SIRT5: variants seen among roughly 807,000 people sequenced by gnomAD.
The protein encoded by SIRT5 is sirtuin 5.
A neutral mutation model predicts 40.0 loss-of-function variants in SIRT5; 26 were observed. The ratio of observed to expected loss-of-function variants is 0.65; its 90% CI spans 0.48 to 0.90. SIRT5 has a LOEUF of 0.90. Among genes scored for constraint, SIRT5 ranks in the 40% least tolerant of loss-of-function variants. The probability of loss-of-function intolerance (pLI) is 0.00; values close to 1 mark genes in which losing one functional copy is unlikely to be tolerated. For missense variants in SIRT5, 401 were observed against 402.4 expected (o/e 1.00, Z 0.03); for synonymous variants, 146 against 149.1 (o/e 0.98, Z 0.15).
chr6:13,594,354 C>T (rs1761311124), intron 5 of SIRT5, among the ~76,000 whole-genome samples: 1 of 152,188 alleles, frequency 6.6e-6, no homozygotes, highest in South Asian at 2.1e-4. Context: ...GGTTTATTGG[C>T]TCACAAAACT....
intron 1 of SIRT5, among the ~76,000 whole-genome samples, chr6:13,579,013 G>C (rs867127909): frequency 6.6e-6 from 1 of 152,056 alleles, no homozygotes; most frequent in Non-Finnish European, 1.5e-5. Context: ...CTTCACCCAG[G>C]GTAACTTTCA....
chr6:13,592,373 G>A (rs1761033813), intron 5 of SIRT5, among the ~76,000 whole-genome samples: 1 of 152,218 alleles, frequency 6.6e-6, no homozygotes, highest in Non-Finnish European at 1.5e-5. Context: ...AGGAATAAGA[G>A]GCCTGGCCCA....
intron 9 of SIRT5, 106 bp from the exon 10 acceptor site, chr6:13,611,684 G>GGGTTTT: frequency 1.3e-6 from 1 of 790,126 alleles, no homozygotes; most frequent in Non-Finnish European, 2.3e-6. Flanking sequence ...ATGAGAATTT[G>GGGTTTT]GGTTTTACTT....
chr6:13,597,086 A>G lies in SIRT5; in HGVS notation c.617+70A>G, dbSNP rs1039886109. The stretch of plus-strand genomic sequence containing the variant: ...AACAAAAAAAAAAACAGACATCAAA[A>G]CCTAAACATGTATTTGGCAAGACGC... On this transcript the variant is annotated intron_variant, in intron 7 of 9. Coordinates refer to ENST00000606117, the MANE Select transcript of SIRT5 (RefSeq NM_012241.5). 3.2e-6 allele frequency: 4 copies of G among 1,240,038 alleles called. No homozygotes were observed. The African/African-American group carries it at 4.6e-5, about 14-fold the overall frequency. The allele number at this position is 1,240,038 out of a possible 1,614,324, so 76.8% of individuals were successfully genotyped here.
chr6:13,592,023 C>A, intron 5 of SIRT5, 129 bp downstream of exon 5: 1 of 923,572 alleles, frequency 1.1e-6, no homozygotes, highest in Non-Finnish European at 1.6e-6. Flanking sequence ...GATGCTGTGG[C>A]ATTTCCTTTG....
intron 4 of SIRT5, among the ~76,000 whole-genome samples, chr6:13,589,732 T>G (rs946309946): frequency 3.3e-5 from 5 of 152,028 alleles, no homozygotes; most frequent in African/African-American, 1.2e-4. Context: ...CAGAGAACAT[T>G]AGGGGCCAGC....
In SIRT5 at chr6:13,591,722, C is replaced by G. The variant is rs201979175; in HGVS notation, c.303C>G (p.Phe101Leu). Residue 101 changes from phenylalanine (F) to leucine (L), a missense_variant, in exon 5 of 10, where the codon TTC becomes TTG. By Grantham distance (22) the Phe-to-Leu change is conservative (BLOSUM62 0). Transcript: ENST00000606117. Reference protein sequence around the residue: ...FAHNPSRVWEFYHYRREVMGS... With the variant: ...FAHNPSRVWELYHYRREVMGS... ...ACAACCCGTCCCGGGTGTGGGAGTT[C>G]TACCACTACCGGCGGGAGGTCATGG... 2.5e-5 allele frequency: 40 copies of G among 1,610,150 alleles called. No homozygotes were observed. Among genetic ancestry groups the G allele is most frequent in the Admixed American group, 5.0e-5 (3 of 59,844 alleles).
rs1764092620 is a variant in SIRT5 at position 13,613,254 on chromosome 6, G to A, written c.*1389G>A. 1 of 152,160 alleles carries A rather than the reference G, an allele frequency of 6.6e-6. No homozygotes were observed. The highest frequency in any genetic ancestry group is 1.5e-5 in the Non-Finnish European group (1 of 68,044). The allele number at this position is 152,160 out of a possible 1,614,324, so 9.4% of individuals were successfully genotyped here. A position where few individuals can be genotyped will look rare whatever the true frequency, so the allele number is the denominator to read the frequency against. Reference sequence around the variant, plus strand: ...ATCTGCCATACAGGGTCATTCTCAGGGGATGCTTAAGTTATTTCTGTCAGG... The same window carrying A: ...ATCTGCCATACAGGGTCATTCTCAGAGGATGCTTAAGTTATTTCTGTCAGG... On this transcript the variant is annotated 3_prime_UTR_variant, in exon 10 of 10. Coordinates refer to ENST00000606117, the MANE Select transcript of SIRT5 (RefSeq NM_012241.5).
At chr6:13,586,325 A>G (rs912456911) in intron 3 of SIRT5, among the ~76,000 whole-genome samples, 4 of 152,210 alleles carry the variant, frequency 2.6e-5, no homozygotes, top group Non-Finnish European at 4.4e-5. Context: ...GCCCATGCCT[A>G]TGTCCTGAAT....
intron 7 of SIRT5, among the ~76,000 whole-genome samples, chr6:13,597,270 C>T (rs11757746): frequency 2.0e-5 from 3 of 151,930 alleles, no homozygotes; most frequent in African/African-American, 7.2e-5. Flanking sequence ...GGGAAAGTTT[C>T]TGAAGCTGTC....
chr6:13,601,058 G>T lies in SIRT5; in HGVS notation c.857+109G>T, dbSNP rs182017518. ...AATTTTTAAAAAAGACATAGGGTTTGTGTTTTTTTGTTTGATCTGCAGTTG... is the reference window on the plus strand; with the variant it reads ...AATTTTTAAAAAAGACATAGGGTTTTTGTTTTTTTGTTTGATCTGCAGTTG... On this transcript the variant is annotated intron_variant, in intron 9 of 9. Coordinates refer to ENST00000606117, the MANE Select transcript of SIRT5 (RefSeq NM_012241.5). 5.5e-4 allele frequency: 434 copies of T among 789,064 alleles called. 1 individual carries two copies. The African/African-American group carries it at 6.8e-3, about 12-fold the overall frequency. The allele number at this position is 789,064 out of a possible 1,614,324, so 48.9% of individuals were successfully genotyped here.
At chr6:13,596,811 T>G (rs993805358) in intron 6 of SIRT5, 152 bp from the exon 7 acceptor site, 4 of 612,650 alleles carry the variant, frequency 6.5e-6, no homozygotes. Flanking sequence ...TGGCTTGGGG[T>G]CCTTCCTTCT....
At chr6:13,600,629 A>G (rs1447052946) in intron 8 of SIRT5, among the ~76,000 whole-genome samples, 2 of 152,298 alleles carry the variant, frequency 1.3e-5, no homozygotes, top group African/African-American at 4.8e-5. Context: ...TTCATGTCAC[A>G]TATTCTTCTC....
intron 7 of SIRT5, among the ~76,000 whole-genome samples, chr6:13,598,111 T>A (rs1300390252): frequency 6.6e-6 from 1 of 152,352 alleles, no homozygotes; most frequent in Middle Eastern, 3.4e-3. Flanking sequence ...CAGAACCTTT[T>A]AAATTTTCCT....
chr6:13,592,424 T>G (rs1381499106), intron 5 of SIRT5, among the ~76,000 whole-genome samples: 5 of 152,218 alleles, frequency 3.3e-5, no homozygotes, highest in Non-Finnish European at 4.4e-5. Context: ...CTGCAGCATC[T>G]TGGGGTCTCC....
At position 13,588,339 on chromosome 6, in the gene SIRT5, G is replaced by C. The variant is rs753402146; in HGVS notation, c.124G>C (p.Asp42His). 35 of 1,613,738 alleles carry C rather than the reference G, an allele frequency of 2.2e-5. No homozygotes were observed. Among genetic ancestry groups the C allele is most frequent in the Non-Finnish European group, 2.7e-5 (32 of 1,179,924 alleles). The change falls in exon 4 of 10, where the codon GAT (aspartate) becomes CAT (histidine). Residue 42 changes from aspartate to histidine, a missense_variant. Physicochemically the swap from Asp to His is moderately conservative, Grantham distance 81. Coordinates refer to ENST00000606117, the MANE Select transcript of SIRT5 (RefSeq NM_012241.5). ...GATTTCACTCTGTTTAGGTATGGCAGATTTTCGAAAGTTTTTTGCAAAAGC... is the reference window on the plus strand; with the variant it reads ...GATTTCACTCTGTTTAGGTATGGCACATTTTCGAAAGTTTTTTGCAAAAGC... ...KMARPSSSMA[D>H]FRKFFAKAKH... is the part of the protein sequence containing the mutation.
At chr6:13,590,243 G>GA (rs1760667697) in intron 4 of SIRT5, among the ~76,000 whole-genome samples, 1 of 152,126 alleles carries the variant, frequency 6.6e-6, no homozygotes, top group Non-Finnish European at 1.5e-5. Flanking sequence ...CCACTATCAA[G>GA]AAACAGAATG....
intron 9 of SIRT5, among the ~76,000 whole-genome samples, chr6:13,602,965 T>G (rs1018510936): frequency 6.6e-6 from 1 of 152,108 alleles, no homozygotes; most frequent in Non-Finnish European, 1.5e-5. Flanking sequence ...TTCCAATGGG[T>G]ACCATCGATT....
chr6:13,597,958 A>T (rs1390094599), intron 7 of SIRT5, among the ~76,000 whole-genome samples: 1 of 152,240 alleles, frequency 6.6e-6, no homozygotes, highest in African/African-American at 2.4e-5. Flanking sequence ...TAGGCACTCA[A>T]ATAAATATGG....
Sources: gnomAD v4.1 joint callset for allele counts (sites outside exome capture counted in the v4.1 genomes callset) on GRCh38, gnomAD v4.1.1 for gene constraint, MANE v1.5 for transcripts, NCBI Gene and HGNC (gene_info 2026-07-23, HGNC 2026-07-21) for gene names.